PAK5: variants seen among roughly 807,000 people sequenced by gnomAD.
PAK5 encodes the protein serine/threonine-protein kinase PAK 5.
In PAK5, 16 loss-of-function variants were observed where a neutral mutation model predicts 65.9. The observed-to-expected ratio is 0.24, with a 90% CI of 0.16 to 0.37. The LOEUF (loss-of-function observed/expected upper bound fraction) is 0.37. Among genes scored for constraint, PAK5 ranks in the 10% least tolerant of loss-of-function variants. The probability of loss-of-function intolerance (pLI) is 1.00; values close to 1 mark genes in which losing one functional copy is unlikely to be tolerated. For synonymous variants in PAK5, 371 were observed against 354.9 expected (o/e 1.05, Z -0.51); for missense variants, 785 against 903.9 (o/e 0.87, Z 1.69).
At chr20:9,583,767 T>C (rs536723681) in intron 3 of PAK5, among the ~76,000 whole-genome samples, 1 of 152,338 alleles carries the variant, frequency 6.6e-6, no homozygotes, top group Non-Finnish European at 1.5e-5. Context: ...TCTCCTGAGT[T>C]TCCTCTAGTC....
intron 8 of PAK5, among the ~76,000 whole-genome samples, chr20:9,543,075 T>A (rs1365635443): frequency 3.3e-5 from 5 of 152,190 alleles, no homozygotes; most frequent in African/African-American, 1.2e-4. Context: ...AAAATTGTAT[T>A]TAAACCATAA....
At chr20:9,642,140 T>C (rs578251950) in intron 3 of PAK5, among the ~76,000 whole-genome samples, 6 of 152,336 alleles carry the variant, frequency 3.9e-5, no homozygotes, top group Non-Finnish European at 7.4e-5. Flanking sequence ...ACTGCCAGCA[T>C]GCTGTCACCT....
chr20:9,615,769 G>T (rs895578156), intron 3 of PAK5, among the ~76,000 whole-genome samples: 1 of 152,152 alleles, frequency 6.6e-6, no homozygotes, highest in African/African-American at 2.4e-5. Context: ...TATTGGCTGG[G>T]GCTGCAGCCA....
At chr20:9,663,333 T>A (rs2047371720) in intron 2 of PAK5, among the ~76,000 whole-genome samples, 1 of 152,200 alleles carries the variant, frequency 6.6e-6, no homozygotes, top group African/African-American at 2.4e-5. Flanking sequence ...ATTGCTAGAA[T>A]AATAACTCCT....
intron 4 of PAK5, among the ~76,000 whole-genome samples, chr20:9,574,091 C>T (rs556434462): frequency 6.6e-6 from 1 of 152,120 alleles, no homozygotes; most frequent in Admixed American, 6.5e-5. Context: ...GAAGGGAAAA[C>T]GACTGCTTGT....
chr20:9,560,928 T>A (rs1245137959), intron 6 of PAK5, among the ~76,000 whole-genome samples: 1 of 152,184 alleles, frequency 6.6e-6, no homozygotes, highest in African/African-American at 2.4e-5. Context: ...ATTTAGTTGG[T>A]CTGGGGTAGT....
At chr20:9,773,225 CTCTT>C (rs2048853104) in intron 1 of PAK5, among the ~76,000 whole-genome samples, 1 of 152,050 alleles carries the variant, frequency 6.6e-6, no homozygotes, top group African/African-American at 2.4e-5. Context: ...TGCATTGGTT[CTCTT>C]TAAGTTCTTT....
In PAK5 at chr20:9,552,743, A is replaced by T. The variant is rs2045448855; in HGVS notation, c.1743+4865T>A. Reference sequence around the variant, plus strand: ...TTTTTAGTTTTTTTTTTTTTTGGCGACAGGGTCTCACTTTATCACTCAGGC... The same window carrying T: ...TTTTTAGTTTTTTTTTTTTTTGGCGTCAGGGTCTCACTTTATCACTCAGGC... On this transcript the variant is annotated intron_variant, in intron 7 of 9. Coordinates refer to ENST00000353224, the MANE Select transcript of PAK5 (RefSeq NM_177990.4). Among the ~76,000 whole-genome samples, 4 of 148,352 alleles carry T rather than the reference A, an allele frequency of 2.7e-5. No individual in the cohort carries two copies. The Admixed American group carries it at 2.7e-4, about 10-fold the overall frequency.
At chr20:9,572,571 G>T (rs1364370072) in intron 4 of PAK5, among the ~76,000 whole-genome samples, 2 of 152,182 alleles carry the variant, frequency 1.3e-5, no homozygotes, top group Non-Finnish European at 2.9e-5. Context: ...TTGGTATTGT[G>T]AAAGGGATTT....
In PAK5 at chr20:9,542,720, C is replaced by T; in HGVS notation, c.1870G>A (p.Val624Met). The stretch of plus-strand genomic sequence containing the variant: ...ATGATCCCGAGGGACCAGATGTCCA[C>T]CTGTTAGGCACACCCTACTGGTTAT... ...VISRLPYGTEVDIWSLGIMVI... is the reference protein window; with the variant it reads ...VISRLPYGTEMDIWSLGIMVI... Residue 624 changes from valine to methionine, a missense_variant and splice_region_variant, in exon 9 of 10, where the codon GTG becomes ATG. By Grantham distance (21) the Val-to-Met change is conservative (BLOSUM62 1). Around this residue, in one of 4 missense-constraint regions of PAK5, gnomAD observed 182 missense variants for 273.0 expected, o/e 0.67. Coordinates refer to ENST00000353224, the MANE Select transcript of PAK5 (RefSeq NM_177990.4). 6.2e-7 allele frequency: 1 copy of T among 1,613,898 alleles called. No homozygotes were observed. The highest frequency in any genetic ancestry group is 8.5e-7 in the Non-Finnish European group (1 of 1,179,852).
chr20:9,779,935 C>A (rs998873028), intron 1 of PAK5, among the ~76,000 whole-genome samples: 1 of 151,926 alleles, frequency 6.6e-6, no homozygotes, highest in Non-Finnish European at 1.5e-5. Flanking sequence ...ATTTGTACCC[C>A]ATATCAATTC....
chr20:9,606,598 T>C (rs933480658), intron 3 of PAK5, among the ~76,000 whole-genome samples: 1 of 152,124 alleles, frequency 6.6e-6, no homozygotes, highest in African/African-American at 2.4e-5. Context: ...GGCACAATCA[T>C]ACAGGTACTA....
chr20:9,635,169 G>T (rs922850812), intron 3 of PAK5, among the ~76,000 whole-genome samples: 1 of 152,038 alleles, frequency 6.6e-6, no homozygotes, highest in Non-Finnish European at 1.5e-5. Flanking sequence ...TTTATTAAAT[G>T]TCTTCTGATA....
intron 1 of PAK5, among the ~76,000 whole-genome samples, chr20:9,734,705 C>T (rs1054004742): frequency 1.1e-4 from 17 of 152,126 alleles, no homozygotes; most frequent in Non-Finnish European, 1.8e-4. Flanking sequence ...CAACACTGAT[C>T]TAAAAGTTTT....
At chr20:9,697,338 C>A (rs767830447) in intron 2 of PAK5, among the ~76,000 whole-genome samples, 9 of 151,964 alleles carry the variant, frequency 5.9e-5, no homozygotes, top group Non-Finnish European at 1.2e-4. Flanking sequence ...CTTCTCTCTC[C>A]CCTCTACACA....
chr20:9,663,474 A>C (rs1480643354), intron 2 of PAK5, among the ~76,000 whole-genome samples: 1 of 152,168 alleles, frequency 6.6e-6, no homozygotes, highest in African/African-American at 2.4e-5. Flanking sequence ...CAAATCTTTG[A>C]AAAATGCCAA....
At chr20:9,680,222 A>G (rs1008113348) in intron 2 of PAK5, among the ~76,000 whole-genome samples, 3 of 152,202 alleles carry the variant, frequency 2.0e-5, no homozygotes, top group Non-Finnish European at 4.4e-5. Context: ...TACCATCAAA[A>G]TGCTCACAAA....
chr20:9,597,868 G>C (rs911616667), intron 3 of PAK5, among the ~76,000 whole-genome samples: 1 of 152,222 alleles, frequency 6.6e-6, no homozygotes, highest in African/African-American at 2.4e-5. Context: ...AAGCTGATGC[G>C]AGTGAGCCCT....
chr20:9,692,735 A>T (rs1263612962), intron 2 of PAK5, among the ~76,000 whole-genome samples: 2 of 152,200 alleles, frequency 1.3e-5, no homozygotes, highest in Admixed American at 6.5e-5. Context: ...CATGGTCATG[A>T]CAAAGTTCCA....
Sources: allele counts gnomAD v4.1 joint callset (sites outside exome capture counted in the v4.1 genomes callset), GRCh38; gene constraint gnomAD v4.1.1; regional missense constraint gnomAD v4.1.1; transcripts MANE v1.5; gene names NCBI Gene and HGNC (gene_info 2026-07-23, HGNC 2026-07-21).